The following ERI3 variants were observed in gnomAD, a reference collection of about 807,000 sequenced individuals.
ERI3 encodes ERI1 exoribonuclease family member 3.
ERI3 carries 18 observed loss-of-function variants against 44.4 expected under a neutral mutation model. The ratio of observed to expected loss-of-function variants is 0.41; its 90% CI spans 0.28 to 0.60. ERI3 has a LOEUF of 0.60. Ranked by LOEUF, ERI3 falls within the 20% of genes least tolerant of loss-of-function variation. The probability of loss-of-function intolerance (pLI) is 0.36; values close to 1 mark genes in which losing one functional copy is unlikely to be tolerated. For synonymous variants in ERI3, 183 were observed against 164.8 expected (o/e 1.11, Z -0.84); for missense variants, 294 against 435.5 (o/e 0.68, Z 2.89).
chr1:44,232,891 G>A (rs1223293936), intron 8 of ERI3, among the ~76,000 whole-genome samples: 2 of 152,198 alleles, frequency 1.3e-5, no homozygotes, highest in Non-Finnish European at 2.9e-5. Flanking sequence ...TAGTGAAAAA[G>A]AAGGGAAAAG....
chr1:44,320,864 G>A (rs1646186969), intron 3 of ERI3, among the ~76,000 whole-genome samples: 1 of 152,116 alleles, frequency 6.6e-6, no homozygotes, highest in African/African-American at 2.4e-5. Context: ...ATTAGCATGT[G>A]GAAAGGGCCT....
At chr1:44,251,128 A>G (rs932800121) in intron 7 of ERI3, among the ~76,000 whole-genome samples, 1 of 152,244 alleles carries the variant, frequency 6.6e-6, no homozygotes, top group Non-Finnish European at 1.5e-5. Flanking sequence ...AGGTGGTCCC[A>G]CAGCAACCTG....
At chr1:44,222,830 T>C (rs1433418459) in intron 8 of ERI3, among the ~76,000 whole-genome samples, 2 of 152,210 alleles carry the variant, frequency 1.3e-5, no homozygotes, top group African/African-American at 2.4e-5. Context: ...AGAAATATTG[T>C]ACATCAATGT....
chr1:44,246,032 T>C (rs938659642), intron 8 of ERI3, among the ~76,000 whole-genome samples: 1 of 152,234 alleles, frequency 6.6e-6, no homozygotes, highest in Non-Finnish European at 1.5e-5. Context: ...ACTGCCTCAT[T>C]GATTCTGAAT....
chr1:44,267,348 T>C (rs1046232182), intron 7 of ERI3, among the ~76,000 whole-genome samples: 2 of 152,166 alleles, frequency 1.3e-5, no homozygotes, highest in African/African-American at 4.8e-5. Flanking sequence ...CTGACCACAG[T>C]AGAAAGGGGC....
chr1:44,245,614 G>A (rs544152937), intron 8 of ERI3, among the ~76,000 whole-genome samples: 2 of 152,268 alleles, frequency 1.3e-5, no homozygotes, highest in South Asian at 4.2e-4. Context: ...CAGAGCCTTG[G>A]GCTGCCCCAT....
intron 3 of ERI3, among the ~76,000 whole-genome samples, chr1:44,334,429 C>T (rs1029502361): frequency 3.9e-5 from 6 of 152,262 alleles, no homozygotes; most frequent in East Asian, 1.9e-4. Context: ...CTCCTGCTAG[C>T]GAGGACAAAG....
intron 2 of ERI3, among the ~76,000 whole-genome samples, chr1:44,346,191 C>T (rs1425879533): frequency 6.6e-6 from 1 of 152,224 alleles, no homozygotes; most frequent in African/African-American, 2.4e-5. Context: ...TGCTTCTGCT[C>T]CAAGGCACAG....
At chr1:44,316,629 C>T (rs1646093354) in intron 4 of ERI3, among the ~76,000 whole-genome samples, 1 of 152,202 alleles carries the variant, frequency 6.6e-6, no homozygotes, top group East Asian at 1.9e-4. Context: ...TACATAAGCA[C>T]TTGTCTCTGG....
At chr1:44,346,594 A>G (rs576969884) in intron 2 of ERI3, among the ~76,000 whole-genome samples, 2 of 152,302 alleles carry the variant, frequency 1.3e-5, no homozygotes, top group East Asian at 3.9e-4. Flanking sequence ...GTATGGTAGC[A>G]TCATCCCTTT....
intron 8 of ERI3, among the ~76,000 whole-genome samples, chr1:44,223,587 C>T (rs1041278594): frequency 6.6e-6 from 1 of 152,160 alleles, no homozygotes; most frequent in African/African-American, 2.4e-5. Flanking sequence ...CGGCCACACA[C>T]CTCATTTCTT....
At chr1:44,321,524 G>T (rs966101408) in intron 3 of ERI3, among the ~76,000 whole-genome samples, 1 of 152,096 alleles carries the variant, frequency 6.6e-6, no homozygotes, top group African/African-American at 2.4e-5. Flanking sequence ...TAACAAAATC[G>T]AACACACACC....
At chr1:44,255,110 T>G (rs1374855861) in intron 7 of ERI3, among the ~76,000 whole-genome samples, 1 of 152,228 alleles carries the variant, frequency 6.6e-6, no homozygotes, top group African/African-American at 2.4e-5. Flanking sequence ...AAACACTGCC[T>G]GGCTCTCTGA....
At position 44,251,269 on chromosome 1, in the gene ERI3, C is replaced by A. The variant is rs184885147; in HGVS notation, c.832-3231G>T. The stretch of plus-strand genomic sequence containing the variant: ...TGCCTCTCCCCACAAGATATGCAGG[C>A]CATGGAGTGGCCCAAGCGCATATAT... On this transcript the variant is annotated intron_variant, in intron 7 of 8. Coordinates refer to ENST00000372257, the MANE Select transcript of ERI3 (RefSeq NM_024066.3). Among the ~76,000 whole-genome samples, 76 of 152,380 alleles carry A rather than the reference C, an allele frequency of 5.0e-4. No homozygotes were observed. In the East Asian group the frequency reaches 0.014, roughly 28 times the overall value.
intron 7 of ERI3, among the ~76,000 whole-genome samples, chr1:44,271,565 C>T (rs923778315): frequency 1.3e-5 from 2 of 150,542 alleles, no homozygotes; most frequent in African/African-American, 4.8e-5. Flanking sequence ...AGCTGATGAA[C>T]CTCTCTGCCC....
intron 7 of ERI3, among the ~76,000 whole-genome samples, chr1:44,279,863 T>C (rs1158605949): frequency 6.6e-6 from 1 of 152,226 alleles, no homozygotes; most frequent in African/African-American, 2.4e-5. Flanking sequence ...TTGGGAACAA[T>C]TTATAGTAAC....
intron 8 of ERI3, among the ~76,000 whole-genome samples, chr1:44,236,461 G>A (rs1644306672): frequency 6.6e-6 from 1 of 152,152 alleles, no homozygotes; most frequent in African/African-American, 2.4e-5. Context: ...CACGGGGAAA[G>A]GGGGACTTGA....
chr1:44,325,522 T>C (rs6669164), intron 3 of ERI3, among the ~76,000 whole-genome samples: 7,347 of 152,270 alleles, frequency 0.048, 228 homozygotes, highest in South Asian at 0.11. Flanking sequence ...TTTCGGGGTA[T>C]TCAAACTCCC....
intron 6 of ERI3, among the ~76,000 whole-genome samples, chr1:44,303,662 G>A (rs1212993009): frequency 6.6e-6 from 1 of 152,228 alleles, no homozygotes; most frequent in Non-Finnish European, 1.5e-5. Flanking sequence ...CATGTGGCTG[G>A]TGGGGAGGGG....
Sources: allele counts gnomAD v4.1 joint callset (sites outside exome capture counted in the v4.1 genomes callset), GRCh38; gene constraint gnomAD v4.1.1; transcripts MANE v1.5; gene names NCBI Gene and HGNC (gene_info 2026-07-23, HGNC 2026-07-21).